The following TENM4 variants were observed in gnomAD, a reference collection of about 807,000 sequenced individuals.
TENM4 encodes teneurin-4.
A neutral mutation model predicts 243.3 loss-of-function variants in TENM4; 82 were observed. The ratio of observed to expected loss-of-function variants is 0.34; its 90% CI spans 0.28 to 0.40. The LOEUF (loss-of-function observed/expected upper bound fraction) is 0.40. TENM4 is among the 10% of genes least tolerant of loss of function. The pLI is 1.00. For missense variants in TENM4, 3,138 were observed against 3,673.3 expected (o/e 0.85, Z 3.77); for synonymous variants, 1,412 against 1,456.3 (o/e 0.97, Z 0.69).
intron 2 of TENM4, among the ~76,000 whole-genome samples, chr11:79,294,715 G>A (rs1856418075): frequency 6.6e-6 from 1 of 152,124 alleles, no homozygotes; most frequent in African/African-American, 2.4e-5. Flanking sequence ...TGGGGGTGGT[G>A]GCGGTTGCAT....
intron 1 of TENM4, among the ~76,000 whole-genome samples, chr11:79,332,044 C>T (rs1258882591): frequency 6.6e-6 from 1 of 152,198 alleles, no homozygotes. Context: ...GTTCACCGAG[C>T]ATGTACTCAA....
chr11:78,732,056 C>T (rs956514245), intron 21 of TENM4, among the ~76,000 whole-genome samples: 1 of 152,126 alleles, frequency 6.6e-6, no homozygotes, highest in African/African-American at 2.4e-5. Flanking sequence ...AGTGGAAAGA[C>T]AGAGAGAATT....
In TENM4 at chr11:78,891,276, A is replaced by G; in HGVS notation, c.810T>C (p.Ile270=). 1 of 1,551,706 alleles carries G rather than the reference A, an allele frequency of 6.4e-7. No individual in the cohort carries two copies. The highest frequency in any genetic ancestry group is 8.7e-7 in the Non-Finnish European group (1 of 1,147,008). ...TLQDNLIEMD[I]LGASRHDGAY... The stretch of plus-strand genomic sequence containing the variant: ...CCCCATCATGGCGGGAGGCGCCGAG[A>G]ATGTCCATCTCAATGAGGTTGTCCT... The change falls in exon 8 of 34, where the codon ATT becomes ATC. Residue 270 remains isoleucine, a synonymous_variant. Coordinates refer to ENST00000278550, the MANE Select transcript of TENM4 (RefSeq NM_001098816.3).
rs1857937289 is a variant in TENM4, at chr11:78,658,050, C to T, written c.*8G>A. On this transcript the variant is annotated 3_prime_UTR_variant, in exon 34 of 34. Coordinates refer to ENST00000278550, the MANE Select transcript of TENM4 (RefSeq NM_001098816.3). ...CTGTCTTTGGCAAGAAGTCCTTGGT[C>T]CTCTCTGTCACCTCCGGCCCATCTC... 4 of 1,611,232 alleles carry T rather than the reference C, an allele frequency of 2.5e-6. No individual in the cohort carries two copies. In the East Asian group the frequency reaches 8.9e-5, roughly 36 times the overall value.
At chr11:79,032,827 C>T (rs1391991018) in intron 6 of TENM4, among the ~76,000 whole-genome samples, 3 of 152,170 alleles carry the variant, frequency 2.0e-5, no homozygotes, top group Admixed American at 2.0e-4. Flanking sequence ...AAGATGAGCA[C>T]CACAAATAGG....
In TENM4 at chr11:79,004,353, C is replaced by T. The variant is rs1042417279; in HGVS notation, c.493+60385G>A. 5.3e-5 allele frequency among the ~76,000 whole-genome samples: 8 copies of T among 152,192 alleles called. No homozygotes were observed. The South Asian group carries it at 1.0e-3, about 20-fold the overall frequency. On this transcript the variant is annotated intron_variant, in intron 6 of 33. Transcript: ENST00000278550. ...ACAGAATATAAATTCTTACCATCTG[C>T]ACAAGGCACACACTTTAAATCGACT...
At chr11:79,039,993 C>CACTACTAT (rs931865041) in intron 6 of TENM4, among the ~76,000 whole-genome samples, 1 of 149,816 alleles carries the variant, frequency 6.7e-6, no homozygotes, top group Non-Finnish European at 1.5e-5. Flanking sequence ...TTTTGGGGAC[C>CACTACTAT]ACTACTATAT....
At position 78,657,712 on chromosome 11, in the gene TENM4, T is replaced by C. The variant is rs1857929523; in HGVS notation, c.*346A>G. The C allele has an allele frequency of 4.7e-6, 2 of 423,040 alleles. No homozygotes were observed. The highest frequency in any genetic ancestry group is 8.8e-6 in the Non-Finnish European group (2 of 227,578). The allele number at this position is 423,040 out of a possible 1,614,324, so 26.2% of individuals were successfully genotyped here. A position where few individuals can be genotyped will look rare whatever the true frequency, so the allele number is the denominator to read the frequency against. On this transcript the variant is annotated 3_prime_UTR_variant, in exon 34 of 34. Transcript: ENST00000278550. ...CATGTCCCACATCACACTGGGTACCTAGGGACAGACGAGGACACACCCCAG... is the reference window on the plus strand; with the variant it reads ...CATGTCCCACATCACACTGGGTACCCAGGGACAGACGAGGACACACCCCAG...
chr11:78,902,188 A>G (rs1565117754), intron 7 of TENM4, among the ~76,000 whole-genome samples: 1 of 152,236 alleles, frequency 6.6e-6, no homozygotes, highest in Non-Finnish European at 1.5e-5. Flanking sequence ...GTTTAGAGAA[A>G]GGGAAAGGCT....
chr11:78,740,428 G>C (rs1415722511), intron 19 of TENM4, among the ~76,000 whole-genome samples: 1 of 141,272 alleles, frequency 7.1e-6, no homozygotes, highest in African/African-American at 2.6e-5. Flanking sequence ...GTTTCCTTCC[G>C]AGGCCCTTGG....
intron 17 of TENM4, among the ~76,000 whole-genome samples, chr11:78,778,304 G>T (rs913892038): frequency 3.3e-5 from 4 of 121,836 alleles, no homozygotes; most frequent in Admixed American, 9.5e-5. Context: ...GGTGGAAAGA[G>T]TGAAAGGTGT....
chr11:79,379,698 G>C lies in TENM4; in HGVS notation c.-321+60811C>G, dbSNP rs151274601. ...CAGAGAGGTTAGGTGATTTCCCTCA[G>C]ACCACACAGTGAGTAAGTGGCAGAG... is the stretch of plus-strand genomic sequence containing the variant. On this transcript the variant is annotated intron_variant, in intron 1 of 33. Transcript: ENST00000278550. 2.4e-3 allele frequency among the ~76,000 whole-genome samples: 365 copies of C among 152,302 alleles called. 2 individuals carry two copies. The highest frequency in any genetic ancestry group is 8.2e-3 in the African/African-American group (340 of 41,568).
intron 12 of TENM4, among the ~76,000 whole-genome samples, chr11:78,833,355 C>T (rs948235336): frequency 1.3e-5 from 2 of 152,190 alleles, no homozygotes; most frequent in African/African-American, 2.4e-5. Context: ...TACTTCCCTC[C>T]ATTGCATTAT....
At chr11:78,834,762 T>C (rs982604596) in intron 12 of TENM4, among the ~76,000 whole-genome samples, 5 of 152,182 alleles carry the variant, frequency 3.3e-5, no homozygotes, top group Non-Finnish European at 7.4e-5. Flanking sequence ...TCCGATCCTC[T>C]GCCAGGGTGG....
intron 28 of TENM4, 128 bp downstream of exon 28, chr11:78,701,398 G>C: frequency 8.2e-7 from 1 of 1,223,230 alleles, no homozygotes. Context: ...TGAACATGTA[G>C]AATGTATTAT....
At chr11:78,910,811 C>T (rs892107395) in intron 6 of TENM4, among the ~76,000 whole-genome samples, 8 of 152,148 alleles carry the variant, frequency 5.3e-5, no homozygotes, top group African/African-American at 9.7e-5. Flanking sequence ...AAAATGGTTT[C>T]GGTTCATTCT....
At chr11:79,214,149 G>A (rs1031488728) in intron 3 of TENM4, among the ~76,000 whole-genome samples, 1 of 151,932 alleles carries the variant, frequency 6.6e-6, no homozygotes, top group Admixed American at 6.5e-5. Flanking sequence ...CTGCCACCAC[G>A]CCTGGCTAAT....
chr11:78,662,494 A>G (rs1858055605), intron 32 of TENM4, among the ~76,000 whole-genome samples: 1 of 151,906 alleles, frequency 6.6e-6, no homozygotes, highest in African/African-American at 2.4e-5. Context: ...GGCCACCTTC[A>G]TTTTCTAGTC....
At chr11:79,332,280 A>G (rs531940258) in intron 1 of TENM4, among the ~76,000 whole-genome samples, 5 of 152,218 alleles carry the variant, frequency 3.3e-5, no homozygotes, top group Non-Finnish European at 7.4e-5. Context: ...TTATTTCCAG[A>G]TTACAGGCTG....
Sources: gnomAD v4.1 joint callset for allele counts (sites outside exome capture counted in the v4.1 genomes callset) on GRCh38, gnomAD v4.1.1 for gene constraint, MANE v1.5 for transcripts, NCBI Gene and HGNC (gene_info 2026-07-23, HGNC 2026-07-21) for gene names.